Variants in CMSS1 observed in about 807,000 individuals in gnomAD.
The protein encoded by CMSS1 is protein CMSS1.
In CMSS1, 33 loss-of-function variants were observed where a neutral mutation model predicts 43.5. That is an observed-to-expected ratio of 0.76 (90% confidence interval 0.57 to 1.01). The LOEUF is 1.01. Among genes scored for constraint, CMSS1 ranks in the 50% least tolerant of loss-of-function variants. The probability of loss-of-function intolerance (pLI) is 0.00; values close to 1 mark genes in which losing one functional copy is unlikely to be tolerated. For synonymous variants in CMSS1, 115 were observed against 117.2 expected (o/e 0.98, Z 0.12); for missense variants, 313 against 326.4 (o/e 0.96, Z 0.32).
chr3:99,998,853 G>A (rs1196744903), intron 1 of CMSS1, among the ~76,000 whole-genome samples: 2 of 152,192 alleles, frequency 1.3e-5, no homozygotes, highest in Non-Finnish European at 2.9e-5. Context: ...ACAGGCGTGA[G>A]CCACCGCGCC....
intron 1 of CMSS1, among the ~76,000 whole-genome samples, chr3:100,076,116 T>G (rs1297388531): frequency 6.6e-6 from 1 of 152,210 alleles, no homozygotes; most frequent in African/African-American, 2.4e-5. Context: ...GCCATATGTA[T>G]AATTAAGAAA....
At chr3:99,905,085 G>A (rs1706570020) in intron 1 of CMSS1, among the ~76,000 whole-genome samples, 1 of 152,126 alleles carries the variant, frequency 6.6e-6, no homozygotes, top group Admixed American at 6.5e-5. Context: ...ACTCCCACTG[G>A]TCTTTCCAAG....
At chr3:100,159,925 A>T (rs2067008430) in intron 2 of CMSS1, 1 of 456,552 alleles carries the variant, frequency 2.2e-6, no homozygotes, top group Admixed American at 2.3e-5. Flanking sequence ...ACGTAAGTTA[A>T]TATATCTTAC....
intron 1 of CMSS1, among the ~76,000 whole-genome samples, chr3:99,947,544 C>T (rs1044789732): frequency 2.0e-5 from 3 of 152,144 alleles, no homozygotes; most frequent in Non-Finnish European, 4.4e-5. Context: ...TTTGTCTGGA[C>T]TTCACAAAAC....
intron 1 of CMSS1, among the ~76,000 whole-genome samples, chr3:99,975,952 T>A (rs1708957381): frequency 6.6e-6 from 1 of 152,196 alleles, no homozygotes; most frequent in African/African-American, 2.4e-5. Context: ...TGGCACCATC[T>A]TGGCTCACTG....
At chr3:100,008,059 T>C (rs765419677) in intron 1 of CMSS1, among the ~76,000 whole-genome samples, 9 of 152,200 alleles carry the variant, frequency 5.9e-5, no homozygotes, top group Non-Finnish European at 1.3e-4. Context: ...CTCCTCCAAG[T>C]TGACATAACA....
chr3:100,114,030 A>C (rs1398101868), intron 1 of CMSS1: 2 of 152,184 alleles, frequency 1.3e-5, no homozygotes, highest in Non-Finnish European at 2.9e-5. Context: ...TCTTCTCAGC[A>C]AGGATGGGGA....
intron 1 of CMSS1, among the ~76,000 whole-genome samples, chr3:99,962,889 T>A (rs1708536010): frequency 6.6e-6 from 1 of 152,202 alleles, no homozygotes; most frequent in Admixed American, 6.5e-5. Flanking sequence ...CTGTTTATGG[T>A]CACAACTACA....
chr3:99,908,841 A>G (rs1204347270), intron 1 of CMSS1, among the ~76,000 whole-genome samples: 1 of 152,192 alleles, frequency 6.6e-6, no homozygotes, highest in African/African-American at 2.4e-5. Flanking sequence ...TATACAAAAT[A>G]GAATCTACCA....
At chr3:99,850,151 C>T (rs1489492420) in intron 1 of CMSS1, 1 of 1,610,958 alleles carries the variant, frequency 6.2e-7, no homozygotes, top group Non-Finnish European at 8.5e-7. Flanking sequence ...TTTAATTTTT[C>T]ACTCATTGTT....
intron 1 of CMSS1, among the ~76,000 whole-genome samples, chr3:100,137,723 C>T (rs991616908): frequency 4.6e-5 from 7 of 151,962 alleles, no homozygotes; most frequent in Non-Finnish European, 8.8e-5. Flanking sequence ...CCACCATGCC[C>T]GGCTAATTCT....
In CMSS1 at chr3:99,944,268, CTTG is replaced by C. The variant is rs1371343516; in HGVS notation, c.64+126231_64+126233del. Among the ~76,000 whole-genome samples, 5 of 152,242 alleles carry C rather than the reference CTTG, an allele frequency of 3.3e-5. No homozygotes were observed. The East Asian group carries it at 7.7e-4, about 24-fold the overall frequency. Reference sequence around the variant, plus strand: ...ATTGGGATTTGGCCAAGAACCAGTGCTTGTTGTTTAGTAGAGAGGTGATAGGGA... The same window carrying C: ...ATTGGGATTTGGCCAAGAACCAGTGCTTGTTTAGTAGAGAGGTGATAGGGA... On this transcript the variant is annotated intron_variant, in intron 1 of 9. Coordinates refer to ENST00000421999, the MANE Select transcript of CMSS1 (RefSeq NM_032359.4).
intron 1 of CMSS1, among the ~76,000 whole-genome samples, chr3:99,975,017 A>G (rs1708927946): frequency 6.6e-6 from 1 of 152,192 alleles, no homozygotes; most frequent in South Asian, 2.1e-4. Context: ...CAAAAGATCA[A>G]CAGTCATTAA....
chr3:99,820,801 A>G (rs1006775775), intron 1 of CMSS1, among the ~76,000 whole-genome samples: 2 of 152,168 alleles, frequency 1.3e-5, no homozygotes, highest in African/African-American at 4.8e-5. Context: ...AATGTATTCA[A>G]TTGTTGTTTC....
At chr3:99,893,235 G>T (rs7635871) in intron 1 of CMSS1, among the ~76,000 whole-genome samples, 14,366 of 145,450 alleles carry the variant, frequency 0.099, 818 homozygotes, top group African/African-American at 0.16. Flanking sequence ...GCGCAATCTC[G>T]GCTCACTGCA....
At chr3:99,924,333 G>C (rs767721300) in intron 1 of CMSS1, 1 of 1,613,892 alleles carries the variant, frequency 6.2e-7, no homozygotes, top group Admixed American at 1.7e-5. Flanking sequence ...GTTTGCCTAC[G>C]GGATTTTTCT....
At chr3:100,052,873 CTTG>C (rs758310117) in intron 1 of CMSS1, among the ~76,000 whole-genome samples, 7 of 151,816 alleles carry the variant, frequency 4.6e-5, no homozygotes, top group African/African-American at 1.2e-4. Context: ...CCTTAAGTGC[CTTG>C]TTATTATTTT....
At chr3:100,109,492 G>A (rs1298284100) in intron 1 of CMSS1, among the ~76,000 whole-genome samples, 1 of 152,100 alleles carries the variant, frequency 6.6e-6, no homozygotes, top group Non-Finnish European at 1.5e-5. Context: ...CCTCCCCTCA[G>A]CGTCAGCTGT....
chr3:99,930,660 T>A (rs999842168), intron 1 of CMSS1: 1 of 1,189,222 alleles, frequency 8.4e-7, no homozygotes, highest in East Asian at 2.4e-5. Context: ...TGCTTTCATG[T>A]ACACACATGT....
Sources: gnomAD v4.1 joint callset for allele counts (sites outside exome capture counted in the v4.1 genomes callset) on GRCh38, gnomAD v4.1.1 for gene constraint, MANE v1.5 for transcripts, NCBI Gene and HGNC (gene_info 2026-07-23, HGNC 2026-07-21) for gene names.